Variants in ANTXR1 observed in about 807,000 individuals in gnomAD.
The protein encoded by ANTXR1 is anthrax toxin receptor 1.
In ANTXR1, 19 loss-of-function variants were observed where a neutral mutation model predicts 78.1. The observed-to-expected ratio is 0.24, with a 90% CI of 0.17 to 0.36. ANTXR1 has a LOEUF of 0.36. Ranked by LOEUF, ANTXR1 falls within the 10% of genes least tolerant of loss-of-function variation. The pLI is 1.00. For missense variants in ANTXR1, 518 were observed against 718.6 expected (o/e 0.72, Z 3.19); for synonymous variants, 273 against 260.5 (o/e 1.05, Z -0.46).
At position 69,069,389 on chromosome 2, in the gene ANTXR1, G is replaced by A. The variant is rs552951330; in HGVS notation, c.297-1258G>A. Among the ~76,000 whole-genome samples the A allele has an allele frequency of 2.6e-5, 4 of 152,216 alleles. No individual in the cohort carries two copies. In the East Asian group the frequency reaches 7.7e-4, roughly 29 times the overall value. ...TATCTGTGAAATGGCGGTAACAATA[G>A]TACTACTGCAAAGAGCTGTCATAAG... On this transcript the variant is annotated intron_variant, in intron 3 of 17. Transcript: ENST00000303714.
rs1558618602 is a variant in ANTXR1 at position 69,170,268 on chromosome 2, A to C, written c.1068A>C (p.Pro356=). ...CCTVIIKEVP[P]PPAEESEEED... ...TTCAGATTATCAAGGAGGTCCCTCC[A>C]CCCCCTGCCGAGGAGAGTGAGGTAA... The change falls in exon 14 of 18, where the codon CCA becomes CCC. Residue 356 remains proline, a synonymous_variant. Transcript: ENST00000303714. 1 of 1,614,060 alleles carries C rather than the reference A, an allele frequency of 6.2e-7. No homozygotes were observed. Among genetic ancestry groups the C allele is most frequent in the Non-Finnish European group, 8.5e-7 (1 of 1,180,020 alleles).
At chr2:69,165,867 G>A (rs1050958014) in intron 13 of ANTXR1, among the ~76,000 whole-genome samples, 24 of 152,088 alleles carry the variant, frequency 1.6e-4, no homozygotes, top group African/African-American at 5.6e-4. Context: ...AAAAAGAAAA[G>A]CAAAATAAAC....
intron 5 of ANTXR1, 59 bp from the exon 6 acceptor site, chr2:69,072,963 G>A: frequency 1.3e-6 from 2 of 1,507,342 alleles, no homozygotes; most frequent in South Asian, 1.1e-5. Flanking sequence ...CTGGGACTGA[G>A]AGGGTGTTTC....
At chr2:69,036,643 T>A (rs1669436697) in intron 1 of ANTXR1, among the ~76,000 whole-genome samples, 1 of 152,196 alleles carries the variant, frequency 6.6e-6, no homozygotes, top group South Asian at 2.1e-4. Flanking sequence ...ATTTCAAAGA[T>A]TAATTTTTCT....
At chr2:69,107,219 A>C (rs1056294281) in intron 10 of ANTXR1, among the ~76,000 whole-genome samples, 1 of 152,120 alleles carries the variant, frequency 6.6e-6, no homozygotes, top group Non-Finnish European at 1.5e-5. Flanking sequence ...TCCAGAGGAA[A>C]GATATAAAGA....
intron 10 of ANTXR1, among the ~76,000 whole-genome samples, chr2:69,117,353 T>C (rs775536795): frequency 6.6e-6 from 1 of 152,232 alleles, no homozygotes; most frequent in Non-Finnish European, 1.5e-5. Flanking sequence ...AACTAACCCT[T>C]CTGACTCTCA....
At chr2:69,107,368 T>A (rs1313831047) in intron 10 of ANTXR1, among the ~76,000 whole-genome samples, 1 of 151,976 alleles carries the variant, frequency 6.6e-6, no homozygotes, top group Non-Finnish European at 1.5e-5. Flanking sequence ...GCTTCCTGAG[T>A]AGCTAGGACC....
chr2:69,089,692 A>G (rs141213852), intron 8 of ANTXR1, among the ~76,000 whole-genome samples: 36 of 152,346 alleles, frequency 2.4e-4, no homozygotes, highest in Non-Finnish European at 4.1e-4. Context: ...GGCGTTTCCC[A>G]ATGCTAAAAG....
At chr2:69,060,830 TA>T (rs1670213674) in intron 3 of ANTXR1, among the ~76,000 whole-genome samples, 1 of 152,166 alleles carries the variant, frequency 6.6e-6, no homozygotes, top group African/African-American at 2.4e-5. Context: ...ATGAGATTTT[TA>T]AATTAAAATA....
At chr2:69,033,435 G>T (rs1036760052) in intron 1 of ANTXR1, among the ~76,000 whole-genome samples, 13 of 152,204 alleles carry the variant, frequency 8.5e-5, no homozygotes, top group African/African-American at 3.1e-4. Context: ...ACTTCCAAGG[G>T]TCTAATATGC....
intron 13 of ANTXR1, among the ~76,000 whole-genome samples, chr2:69,159,221 G>A (rs1334225820): frequency 6.6e-6 from 1 of 152,102 alleles, no homozygotes; most frequent in African/African-American, 2.4e-5. Flanking sequence ...ATTTTATTGA[G>A]AGGTTAATGG....
intron 17 of ANTXR1, among the ~76,000 whole-genome samples, chr2:69,224,584 A>C (rs1675396875): frequency 6.6e-6 from 1 of 151,882 alleles, no homozygotes; most frequent in Non-Finnish European, 1.5e-5. Flanking sequence ...CTAGGGAGAG[A>C]GCCTGCAGGG....
intron 3 of ANTXR1, among the ~76,000 whole-genome samples, chr2:69,061,435 T>A (rs943986383): frequency 4.0e-5 from 6 of 151,636 alleles, no homozygotes; most frequent in African/African-American, 1.5e-4. Context: ...GAAATAAATG[T>A]CTTAGAGGGA....
chr2:69,189,786 T>C (rs1008683061), intron 16 of ANTXR1, among the ~76,000 whole-genome samples: 1 of 152,080 alleles, frequency 6.6e-6, no homozygotes, highest in African/African-American at 2.4e-5. Context: ...TCTGGAGAGA[T>C]TGGTGGTGCC....
chr2:69,198,152 A>C (rs1021568705), intron 17 of ANTXR1, among the ~76,000 whole-genome samples: 4 of 152,250 alleles, frequency 2.6e-5, no homozygotes, highest in Non-Finnish European at 5.9e-5. Flanking sequence ...CTACTGGATC[A>C]AATAGTGTGC....
intron 17 of ANTXR1, among the ~76,000 whole-genome samples, chr2:69,221,958 T>C (rs1471696885): frequency 1.3e-5 from 2 of 152,232 alleles, no homozygotes; most frequent in African/African-American, 4.8e-5. Context: ...ATCTATGATG[T>C]CTGAGCTAGA....
chr2:69,026,998 TCTA>T (rs1229740088), intron 1 of ANTXR1, among the ~76,000 whole-genome samples: 1 of 152,092 alleles, frequency 6.6e-6, no homozygotes, highest in Non-Finnish European at 1.5e-5. Flanking sequence ...CAAGCCAGGG[TCTA>T]CTTTCAACTC....
intron 12 of ANTXR1, among the ~76,000 whole-genome samples, chr2:69,139,577 T>C (rs1180338010): frequency 1.3e-5 from 2 of 152,246 alleles, no homozygotes; most frequent in Non-Finnish European, 2.9e-5. Flanking sequence ...TCATCATGGT[T>C]ACCTCTGGTT....
chr2:69,075,668 T>C lies in ANTXR1; in HGVS notation c.561+10T>C. On this transcript the variant is annotated intron_variant, in intron 7 of 17. Transcript: ENST00000303714. ...TTTCAATGAGACACAGGTATGGTAA[T>C]GGATTTCCTCAGGTTTGGAGCATAC... The C allele has an allele frequency of 6.2e-7, 1 of 1,613,604 alleles. No individual in the cohort carries two copies.
Sources: allele counts gnomAD v4.1 joint callset (sites outside exome capture counted in the v4.1 genomes callset), GRCh38; gene constraint gnomAD v4.1.1; transcripts MANE v1.5; gene names NCBI Gene and HGNC (gene_info 2026-07-23, HGNC 2026-07-21).